The following PRELID2 variants were observed in gnomAD, a reference collection of about 807,000 sequenced individuals.
PRELID2 encodes PRELI domain-containing protein 2.
Under a neutral mutation model 28.4 loss-of-function variants are expected in PRELID2, and 25 were observed. The observed-to-expected ratio is 0.88, with a 90% CI of 0.64 to 1.23. The LOEUF is 1.23. Among genes scored for constraint, PRELID2 ranks in the 50% most tolerant of loss-of-function variants. PRELID2 has a pLI of 0.00. For synonymous variants in PRELID2, 76 were observed against 71.6 expected (o/e 1.06, Z -0.31); for missense variants, 201 against 214.4 (o/e 0.94, Z 0.39).
chr5:145,323,161 G>A, the PRELID2 span, among the ~76,000 whole-genome samples: 1 of 151,362 alleles, frequency 6.6e-6, no homozygotes, highest in Non-Finnish European at 1.5e-5. Context: ...TAATGGGGAA[G>A]ACAGCACCAG....
At chr5:145,612,665 G>A (rs1404897423) in intron 1 of PRELID2, among the ~76,000 whole-genome samples, 2 of 151,988 alleles carry the variant, frequency 1.3e-5, no homozygotes, top group Admixed American at 6.6e-5. Flanking sequence ...TTATGCCTTT[G>A]TATCCTCATA....
chr5:145,397,264 G>C, the PRELID2 span, among the ~76,000 whole-genome samples: 4 of 152,106 alleles, frequency 2.6e-5, no homozygotes, highest in African/African-American at 4.8e-5. Flanking sequence ...ATTTCAGGTA[G>C]AATTAGGGAT....
At chr5:145,580,513 C>T (rs1344814262) in intron 1 of PRELID2, among the ~76,000 whole-genome samples, 1 of 152,004 alleles carries the variant, frequency 6.6e-6, no homozygotes, top group African/African-American at 2.4e-5. Flanking sequence ...ACACACTGTC[C>T]ACTGACTACC....
rs1754811609 is a variant in PRELID2 at position 145,676,216 on chromosome 5, A to G, written n.70+88715T>C. Among the ~76,000 whole-genome samples the G allele has an allele frequency of 2.4e-5, 3 of 126,700 alleles. No homozygotes were observed. The Admixed American group carries it at 2.4e-4, about 10-fold the overall frequency. The allele number at this position is 126,700 out of a possible 152,430, so 83.1% of individuals were successfully genotyped here. ...CCCTGGGCAACAAGAGCGAAACTCC[A>G]TCTCAAAAAAAAAAAAAAAAAAAAA... On this transcript the variant is annotated intron_variant and non_coding_transcript_variant, in intron 1 of 2. Transcript: ENST00000510259.
the PRELID2 span, among the ~76,000 whole-genome samples, chr5:145,307,730 A>G: frequency 6.6e-6 from 1 of 152,156 alleles, no homozygotes; most frequent in African/African-American, 2.4e-5. Context: ...GCCCAACAGC[A>G]GCCATGTCTC....
At chr5:145,565,916 T>G (rs2126698147) in intron 1 of PRELID2, among the ~76,000 whole-genome samples, 1 of 152,356 alleles carries the variant, frequency 6.6e-6, no homozygotes, top group South Asian at 2.1e-4. Flanking sequence ...GAAAAATGTC[T>G]AAGGCAATAT....
chr5:145,823,163 C>T (rs778336891), intron 1 of PRELID2, 29 bp from the exon 2 acceptor site: 2 of 1,077,084 alleles, frequency 1.9e-6, no homozygotes, highest in South Asian at 2.5e-5. Context: ...AAAAGAATTA[C>T]CATTAATCTT....
chr5:145,283,104 G>T, the PRELID2 span, among the ~76,000 whole-genome samples: 1 of 152,006 alleles, frequency 6.6e-6, no homozygotes, highest in Non-Finnish European at 1.5e-5. Context: ...CATTTCAGCC[G>T]CCCCTAGAAT....
At chr5:145,231,978 G>A in the PRELID2 span, among the ~76,000 whole-genome samples, 1 of 151,984 alleles carries the variant, frequency 6.6e-6, no homozygotes, top group Admixed American at 6.6e-5. Flanking sequence ...GAGTAATTTA[G>A]AAACCTCTCT....
chr5:145,798,453 AAGAC>A (rs1407823116), intron 4 of PRELID2, among the ~76,000 whole-genome samples: 2 of 152,214 alleles, frequency 1.3e-5, no homozygotes, highest in Non-Finnish European at 2.9e-5. Context: ...ACCATTGTGG[AAGAC>A]AGTGTGGTGA....
chr5:145,595,357 G>A (rs959873083), intron 1 of PRELID2, among the ~76,000 whole-genome samples: 5 of 152,106 alleles, frequency 3.3e-5, no homozygotes, highest in African/African-American at 4.8e-5. Flanking sequence ...TTAAGCCTTC[G>A]TGTTCAAAAA....
intron 1 of PRELID2, among the ~76,000 whole-genome samples, chr5:145,682,226 G>A (rs1175085010): frequency 6.6e-6 from 1 of 152,148 alleles, no homozygotes; most frequent in African/African-American, 2.4e-5. Flanking sequence ...AAAATAATCT[G>A]TCTTTAAAAA....
At chr5:145,578,446 T>C (rs747720680) in intron 1 of PRELID2, among the ~76,000 whole-genome samples, 1 of 152,078 alleles carries the variant, frequency 6.6e-6, no homozygotes, top group Non-Finnish European at 1.5e-5. Flanking sequence ...CTCCCTTTTT[T>C]TTCCCCTGGG....
chr5:145,571,051 C>T (rs1753011147), intron 1 of PRELID2, among the ~76,000 whole-genome samples: 3 of 152,160 alleles, frequency 2.0e-5, no homozygotes, highest in Non-Finnish European at 2.9e-5. Flanking sequence ...ATTCTAGTGA[C>T]TTGAAAAAGC....
At chr5:145,741,117 A>T (rs1317014495) in intron 1 of PRELID2, among the ~76,000 whole-genome samples, 2 of 117,270 alleles carry the variant, frequency 1.7e-5, no homozygotes, top group Admixed American at 2.0e-4. Flanking sequence ...TTACATATAA[A>T]TATATAATAT....
At chr5:145,736,632 G>T (rs1449205040) in intron 1 of PRELID2, among the ~76,000 whole-genome samples, 2 of 152,098 alleles carry the variant, frequency 1.3e-5, no homozygotes, top group Non-Finnish European at 2.9e-5. Context: ...ATACTTCTGA[G>T]CAAAATATTT....
At chr5:145,724,600 A>ATATATATATATAT (rs1756080147) in intron 1 of PRELID2, among the ~76,000 whole-genome samples, 8 of 24,788 alleles carry the variant, frequency 3.2e-4, no homozygotes, top group Non-Finnish European at 6.7e-4. Context: ...GAAGTAAATA[A>ATATATATATATAT]ATATATATAT....
chr5:145,634,747 C>T (rs759680753), intron 1 of PRELID2, among the ~76,000 whole-genome samples: 2 of 152,194 alleles, frequency 1.3e-5, no homozygotes, highest in Non-Finnish European at 2.9e-5. Context: ...ATCTAGCTCA[C>T]TGCTTTATCT....
At chr5:145,763,154 C>A (rs1223029289) in intron 6 of PRELID2, among the ~76,000 whole-genome samples, 1 of 152,180 alleles carries the variant, frequency 6.6e-6, no homozygotes, top group Admixed American at 6.5e-5. Flanking sequence ...GAAATGGAGA[C>A]CCCTCATTCC....
Sources: allele counts gnomAD v4.1 joint callset (sites outside exome capture counted in the v4.1 genomes callset), GRCh38; gene constraint gnomAD v4.1.1; transcripts MANE v1.5; gene names NCBI Gene and HGNC (gene_info 2026-07-23, HGNC 2026-07-21).